SNAPC1: variants seen among roughly 807,000 people sequenced by gnomAD.
SNAPC1 encodes snRNA-activating protein complex subunit 1.
In SNAPC1, 42 loss-of-function variants were observed where a neutral mutation model predicts 50.1. That is an observed-to-expected ratio of 0.84 (90% CI 0.65 to 1.08). The LOEUF (loss-of-function observed/expected upper bound fraction) is 1.08, where lower values mean the gene tolerates loss of function less well. SNAPC1 is among the 50% of genes least tolerant of loss of function. SNAPC1 has a pLI of 0.00. For synonymous variants in SNAPC1, 164 were observed against 144.2 expected, an observed-to-expected ratio of 1.14 and a Z score of -0.98; for missense variants, 477 against 427.3, an observed-to-expected ratio of 1.12 and a Z score of -1.02.
rs1465960964 is a variant in SNAPC1 at position 61,776,187 on chromosome 14, G to A, written c.627G>A (p.Lys209=). ...CAGATAAAGCCCTCAGCTTGATAAA[G>A]GATGATTTTTTTGACAATATTAAGA... ...SKPDKALSLI[K]DDFFDNIKNI... Residue 209 remains lysine (K), a synonymous_variant, in exon 5 of 10, where the codon AAG becomes AAA. Coordinates refer to ENST00000216294, the MANE Select transcript of SNAPC1 (RefSeq NM_003082.4). 8 of 1,612,634 alleles carry A rather than the reference G, an allele frequency of 5.0e-6. No homozygotes were observed. The highest frequency in any genetic ancestry group is 1.3e-5 in the African/African-American group (1 of 74,892).
chr14:61,782,266 A>G lies in SNAPC1; in HGVS notation c.845A>G (p.His282Arg). 1 of 1,600,570 alleles carries G rather than the reference A, an allele frequency of 6.2e-7. No individual in the cohort carries two copies. The highest frequency in any genetic ancestry group is 8.5e-7 in the Non-Finnish European group (1 of 1,176,048). Residue 282 changes from histidine to arginine, a missense_variant, in exon 8 of 10, where the codon CAT becomes CGT. By Grantham distance (29) the His-to-Arg change is conservative. Transcript: ENST00000216294. ...VVIQASKSRR[H>R]RQVKLDSSDS... is the part of the protein sequence containing the mutation. Reference sequence around the variant, plus strand: ...CTTAAGGCATCCAAATCAAGAAGGCATCGTCAAGTCAAACTCGACTCTTCT... The same window carrying G: ...CTTAAGGCATCCAAATCAAGAAGGCGTCGTCAAGTCAAACTCGACTCTTCT...
rs528842698 is a variant in SNAPC1, at chr14:61,780,890, A to G, written c.826-1357A>G. On this transcript the variant is annotated intron_variant, in intron 7 of 9. Transcript: ENST00000216294. ...CCAATTGTGGATTGAAAATATTTGA[A>G]AAAAAAAATGCATCTGTACCAAATA... Among the ~76,000 whole-genome samples the G allele has an allele frequency of 5.3e-5, 8 of 151,958 alleles. No homozygotes were observed. The South Asian group carries it at 1.5e-3, about 28-fold the overall frequency.
chr14:61,785,428 A>G (rs2045108162), intron 8 of SNAPC1, among the ~76,000 whole-genome samples: 1 of 152,140 alleles, frequency 6.6e-6, no homozygotes, highest in East Asian at 1.9e-4. Flanking sequence ...AAAGAGAGAG[A>G]CACAAGTTTC....
At position 61,772,391 on chromosome 14, in the gene SNAPC1, C is replaced by T. The variant is rs185906853; in HGVS notation, c.534+3651C>T. 5.8e-3 allele frequency among the ~76,000 whole-genome samples: 888 copies of T among 152,290 alleles called. 11 individuals carry two copies. The highest frequency in any genetic ancestry group is 0.021 in the African/African-American group (853 of 41,562). ...TCCTGAATACCTGGGATTACAGGCACGTGCCACCACGCTGGGCTAATCTTT... is the reference window on the plus strand; with the variant it reads ...TCCTGAATACCTGGGATTACAGGCATGTGCCACCACGCTGGGCTAATCTTT... On this transcript the variant is annotated intron_variant, in intron 4 of 9. Coordinates refer to ENST00000216294, the MANE Select transcript of SNAPC1 (RefSeq NM_003082.4).
chr14:61,768,808 A>G (rs2044967469), intron 4 of SNAPC1, 68 bp downstream of exon 4: 1 of 768,110 alleles, frequency 1.3e-6, no homozygotes, highest in African/African-American at 1.7e-5. Context: ...TATTGAGGTT[A>G]TACCTTCATC....
At chr14:61,778,254 G>T (rs1340202859) in intron 6 of SNAPC1, 114 bp downstream of exon 6, 3 of 593,716 alleles carry the variant, frequency 5.1e-6, no homozygotes, top group Non-Finnish European at 8.6e-6. Context: ...TCATGCTTCT[G>T]TGAAAAGGTA....
intron 1 of SNAPC1, among the ~76,000 whole-genome samples, chr14:61,762,808 G>A (rs2044916591): frequency 1.3e-5 from 2 of 151,782 alleles, no homozygotes; most frequent in African/African-American, 4.8e-5. Context: ...TCCCAAATAT[G>A]CGTCTCTGCC....
chr14:61,784,088 C>T (rs1184565752), intron 8 of SNAPC1, among the ~76,000 whole-genome samples: 2 of 150,414 alleles, frequency 1.3e-5, no homozygotes, highest in Admixed American at 1.3e-4. Flanking sequence ...TTTAATATGT[C>T]CCAGATATGA....
At position 61,795,008 on chromosome 14, in the gene SNAPC1, AT is replaced by A. The variant is rs1405846637; in HGVS notation, c.*29del. The A allele has an allele frequency of 6.6e-7, 1 of 1,515,114 alleles. No individual in the cohort carries two copies. Among genetic ancestry groups the A allele is most frequent in the South Asian group, 1.2e-5 (1 of 81,696 alleles). 93.9% of individuals were successfully genotyped at this position (1,515,114 alleles called of 1,614,324 possible). A position where few individuals can be genotyped will look rare whatever the true frequency, so the allele number is the denominator to read the frequency against. On this transcript the variant is annotated 3_prime_UTR_variant, in exon 10 of 10. Coordinates refer to ENST00000216294, the MANE Select transcript of SNAPC1 (RefSeq NM_003082.4). ...AACAAAGAGCCTGGTGTAGTTTTTA[AT>A]TTTGAGTTTTCTGACAGAAGAAAAG...
intron 8 of SNAPC1, 127 bp from the exon 9 acceptor site, chr14:61,792,680 C>G (rs1387676352): frequency 2.1e-6 from 1 of 479,566 alleles, no homozygotes; most frequent in Non-Finnish European, 3.8e-6. Context: ...ATTTCTGTTA[C>G]CATTACAGTT....
intron 4 of SNAPC1, among the ~76,000 whole-genome samples, chr14:61,774,910 A>T (rs1198109988): frequency 6.6e-6 from 1 of 151,824 alleles, no homozygotes; most frequent in Non-Finnish European, 1.5e-5. Context: ...TGATCTGCCC[A>T]CCTTGGCCTC....
Position 61,787,224 on chromosome 14 carries a change from G to A in SNAPC1, c.976+4827G>A, listed in dbSNP as rs74054880. Reference sequence around the variant, plus strand: ...CGTTGCAGTGGTAGATTGCACAGCCGTGCATTTGTCCAAACTTCTCTGTAT... The same window carrying A: ...CGTTGCAGTGGTAGATTGCACAGCCATGCATTTGTCCAAACTTCTCTGTAT... On this transcript the variant is annotated intron_variant, in intron 8 of 9. Coordinates refer to ENST00000216294, the MANE Select transcript of SNAPC1 (RefSeq NM_003082.4). Among the ~76,000 whole-genome samples the A allele has an allele frequency of 1.7e-3, 261 of 152,288 alleles. 1 individual carries two copies. Among genetic ancestry groups the A allele is most frequent in the African/African-American group, 6.0e-3 (251 of 41,576 alleles).
In SNAPC1 at chr14:61,785,470, A is replaced by C. The variant is rs140399675; in HGVS notation, c.976+3073A>C. ...TGATGGAGGAAATCTGAATAGTCTA[A>C]TGTCTACTGAGACCCCAGAATATCT... On this transcript the variant is annotated intron_variant, in intron 8 of 9. Transcript: ENST00000216294. 3.4e-3 allele frequency among the ~76,000 whole-genome samples: 519 copies of C among 152,322 alleles called. 2 individuals are homozygous for C. The highest frequency in any genetic ancestry group is 0.012 in the African/African-American group (479 of 41,584).
intron 9 of SNAPC1, among the ~76,000 whole-genome samples, chr14:61,794,090 G>A (rs2045171487): frequency 1.3e-5 from 2 of 152,116 alleles, no homozygotes; most frequent in African/African-American, 4.8e-5. Context: ...TGTTGGTTCT[G>A]GCATCTCCTG....
chr14:61,773,091 A>C (rs182974094), intron 4 of SNAPC1, among the ~76,000 whole-genome samples: 200 of 152,320 alleles, frequency 1.3e-3, no homozygotes, highest in Admixed American at 4.3e-3. Context: ...TTAAGTCTTC[A>C]TTTCAGAAGA....
intron 4 of SNAPC1, among the ~76,000 whole-genome samples, chr14:61,773,449 C>T (rs1372027554): frequency 7.3e-6 from 1 of 136,876 alleles, no homozygotes; most frequent in Non-Finnish European, 1.5e-5. Context: ...GTCGCCCAGG[C>T]TGGAGTGCGA....
chr14:61,794,707 C>T (rs866987445), intron 9 of SNAPC1, among the ~76,000 whole-genome samples: 51 of 151,970 alleles, frequency 3.4e-4, no homozygotes, highest in African/African-American at 1.2e-3. Context: ...TGCACCTGGC[C>T]GATAGTATGT....
chr14:61,763,463 TC>T (rs936124025), intron 1 of SNAPC1, among the ~76,000 whole-genome samples: 12 of 146,962 alleles, frequency 8.2e-5, no homozygotes, highest in Admixed American at 1.4e-4. Context: ...CTCCATGCAC[TC>T]ACTTTCTTGC....
At chr14:61,784,421 C>G (rs1478100089) in intron 8 of SNAPC1, among the ~76,000 whole-genome samples, 1 of 151,810 alleles carries the variant, frequency 6.6e-6, no homozygotes, top group African/African-American at 2.4e-5. Flanking sequence ...TTAATAGTTA[C>G]CAAAGAAGAC....
Sources: gnomAD v4.1 joint callset for allele counts (sites outside exome capture counted in the v4.1 genomes callset) on GRCh38, gnomAD v4.1.1 for gene constraint, MANE v1.5 for transcripts, NCBI Gene and HGNC (gene_info 2026-07-23, HGNC 2026-07-21) for gene names.